Variants in SNX30 observed in about 807,000 individuals in gnomAD.
SNX30 encodes sorting nexin family member 30.
A neutral mutation model predicts 46.4 loss-of-function variants in SNX30; 24 were observed. The ratio of observed to expected loss-of-function variants is 0.52; its 90% CI spans 0.37 to 0.73. The LOEUF (loss-of-function observed/expected upper bound fraction) is 0.73, where lower values mean the gene tolerates loss of function less well. SNX30 is among the 30% of genes least tolerant of loss of function. The probability of loss-of-function intolerance (pLI) is 0.00; values close to 1 mark genes in which losing one functional copy is unlikely to be tolerated. For missense variants in SNX30, 533 were observed against 555.7 expected, an observed-to-expected ratio of 0.96 and a Z score of 0.41; for synonymous variants, 189 against 211.5, an observed-to-expected ratio of 0.89 and a Z score of 0.92.
At chr9:112,878,488 T>G (rs1242097879), downstream of SNX30, 1 of 152,300 alleles carries the variant, frequency 6.6e-6, no homozygotes, top group Admixed American at 6.5e-5. Context: ...CAAATCTGGA[T>G]TCCGTGCTCC....
downstream of SNX30, among the ~76,000 whole-genome samples, chr9:112,876,611 G>A (rs974590094): frequency 2.0e-5 from 3 of 151,900 alleles, no homozygotes; most frequent in Admixed American, 1.3e-4. Flanking sequence ...CATGGGAAGA[G>A]AACCAAGGAC....
chr9:112,867,139 G>A (rs1472485775), intron 8 of SNX30, among the ~76,000 whole-genome samples: 101 of 92,452 alleles, frequency 1.1e-3, no homozygotes, highest in African/African-American at 4.1e-3. Context: ...CCACCCCCTC[G>A]GAACTCCTCC....
At chr9:112,829,770 G>A (rs927009858) in intron 3 of SNX30, among the ~76,000 whole-genome samples, 1 of 151,334 alleles carries the variant, frequency 6.6e-6, no homozygotes, top group East Asian at 1.9e-4. Flanking sequence ...TTTTTTGTTT[G>A]TTTTGTTTTT....
intron 1 of SNX30, among the ~76,000 whole-genome samples, chr9:112,772,485 GGT>G (rs1267083124): frequency 6.6e-6 from 1 of 152,134 alleles, no homozygotes; most frequent in East Asian, 1.9e-4. Flanking sequence ...TGGATTGACA[GGT>G]GTGGGGCTGT....
chr9:112,864,849 G>A (rs1841294015), intron 8 of SNX30, among the ~76,000 whole-genome samples: 1 of 152,070 alleles, frequency 6.6e-6, no homozygotes, highest in Non-Finnish European at 1.5e-5. Flanking sequence ...CTGTGCATTT[G>A]TTTTTTAAAT....
intron 4 of SNX30, among the ~76,000 whole-genome samples, chr9:112,834,619 C>G (rs748091840): frequency 6.6e-6 from 1 of 152,040 alleles, no homozygotes; most frequent in Admixed American, 6.5e-5. Flanking sequence ...GTGGAAGCTT[C>G]GTGACAGCAG....
At chr9:112,762,507 A>G (rs542054448) in intron 1 of SNX30, among the ~76,000 whole-genome samples, 1 of 151,096 alleles carries the variant, frequency 6.6e-6, no homozygotes, top group Non-Finnish European at 1.5e-5. Flanking sequence ...CATGTGAAAA[A>G]TGCTGCATGT....
At chr9:112,828,400 A>G (rs570756149) in intron 3 of SNX30, among the ~76,000 whole-genome samples, 6 of 152,216 alleles carry the variant, frequency 3.9e-5, no homozygotes, top group Admixed American at 2.0e-4. Context: ...CGCACCATCT[A>G]GGTTTGTGTA....
chr9:112,864,528 C>A, intron 8 of SNX30, 129 bp downstream of exon 8: 1 of 1,264,056 alleles, frequency 7.9e-7, no homozygotes, highest in Non-Finnish European at 1.1e-6. Flanking sequence ...TTAGTCTTGG[C>A]TCCCGCTTCA....
intron 6 of SNX30, among the ~76,000 whole-genome samples, chr9:112,840,786 CTT>C (rs1367432295): frequency 1.5e-5 from 2 of 134,938 alleles, no homozygotes; most frequent in African/African-American, 2.8e-5. Flanking sequence ...GCTGATATTT[CTT>C]TTTTTTTTTG....
At chr9:112,822,224 A>G (rs897465649) in intron 3 of SNX30, among the ~76,000 whole-genome samples, 2 of 152,152 alleles carry the variant, frequency 1.3e-5, no homozygotes, top group South Asian at 2.1e-4. Flanking sequence ...AAGAGTAACC[A>G]TATGTTCTTA....
chr9:112,834,827 AACACACACACACACAAACAC>A (rs1179271758), intron 4 of SNX30, among the ~76,000 whole-genome samples: 123 of 106,336 alleles, frequency 1.2e-3, no homozygotes, highest in Non-Finnish European at 2.1e-3. Context: ...CCGTGGATTA[AACACACACACACACAAACAC>A]ACACACACAC....
intron 1 of SNX30, among the ~76,000 whole-genome samples, chr9:112,792,882 C>CTTTTTTT (rs11447466): frequency 1.4e-4 from 21 of 146,792 alleles, no homozygotes; most frequent in Non-Finnish European, 1.9e-4. Flanking sequence ...TTTCTTTAGG[C>CTTTTTTT]TTTTTTTTTT....
chr9:112,861,602 C>T (rs1430654824), intron 7 of SNX30, among the ~76,000 whole-genome samples: 3 of 152,182 alleles, frequency 2.0e-5, no homozygotes, highest in Non-Finnish European at 4.4e-5. Flanking sequence ...TTAACTGGGC[C>T]TCAGGAAAGC....
intron 7 of SNX30, among the ~76,000 whole-genome samples, chr9:112,857,167 G>C (rs894191463): frequency 5.9e-5 from 9 of 152,168 alleles, no homozygotes; most frequent in Non-Finnish European, 1.3e-4. Context: ...AGGCAAGCTC[G>C]AGGATCTCTT....
rs543808340 is a variant in SNX30 at position 112,782,154 on chromosome 9, C to A, written c.157-22622C>A. On this transcript the variant is annotated intron_variant, in intron 1 of 8. Coordinates refer to ENST00000374232, the MANE Select transcript of SNX30 (RefSeq NM_001012994.2). ...CAACCTCGGCTCACTGCACCCTCTA[C>A]CTTCCGGGTTCAAGAGATTCTCCTG... is the stretch of plus-strand genomic sequence containing the variant. Among the ~76,000 whole-genome samples the A allele has an allele frequency of 5.3e-5, 8 of 152,184 alleles. No individual in the cohort carries two copies. The South Asian group carries it at 1.7e-3, about 32-fold the overall frequency.
intron 3 of SNX30, among the ~76,000 whole-genome samples, chr9:112,828,953 T>G (rs1840618266): frequency 6.6e-6 from 1 of 152,162 alleles, no homozygotes; most frequent in Admixed American, 6.5e-5. Flanking sequence ...CACCATCTAC[T>G]GTCTGTCTCT....
At chr9:112,752,100 A>G (rs1249745399) in intron 1 of SNX30, among the ~76,000 whole-genome samples, 3 of 152,144 alleles carry the variant, frequency 2.0e-5, no homozygotes, top group African/African-American at 7.2e-5. Flanking sequence ...CCCTTGTCCC[A>G]ATATTAATGG....
chr9:112,751,506 G>C (rs1293543415), intron 1 of SNX30, among the ~76,000 whole-genome samples: 1 of 152,230 alleles, frequency 6.6e-6, no homozygotes, highest in Admixed American at 6.5e-5. Context: ...CCTGCAGGCT[G>C]AGCTGCTGCA....
Sources: gnomAD v4.1 joint callset for allele counts (sites outside exome capture counted in the v4.1 genomes callset) on GRCh38, gnomAD v4.1.1 for gene constraint, MANE v1.5 for transcripts, NCBI Gene and HGNC (gene_info 2026-07-23, HGNC 2026-07-21) for gene names.